Variants in DORIP1 observed in about 807,000 individuals in gnomAD.
DORIP1 encodes the protein dopamine receptor-interacting protein 1.
At chr14:44,897,809 C>T in the DORIP1 span, among the ~76,000 whole-genome samples, 1 of 152,162 alleles carries the variant, frequency 6.6e-6, no homozygotes, top group Non-Finnish European at 1.5e-5. Flanking sequence ...CGTGGGGGCT[C>T]CCCGGGGGCG....
chr14:44,905,332 A>T, the DORIP1 span: 1 of 1,333,846 alleles, frequency 7.5e-7, no homozygotes. Context: ...ACAAAGTATT[A>T]AATTTTCTCT....
the DORIP1 span, chr14:44,903,736 T>C: frequency 6.2e-6 from 6 of 963,492 alleles, no homozygotes; most frequent in South Asian, 2.4e-4. Context: ...TTTAGAAGGA[T>C]GATCTTATTG....
chr14:44,900,899 G>A, the DORIP1 span: 13 of 1,611,704 alleles, frequency 8.1e-6, no homozygotes, highest in Middle Eastern at 3.3e-4. Context: ...GAGAGTTACT[G>A]TTCCAACTGG....
chr14:44,898,531 C>A, the DORIP1 span, among the ~76,000 whole-genome samples: 5 of 152,170 alleles, frequency 3.3e-5, no homozygotes, highest in African/African-American at 9.6e-5. Flanking sequence ...CTACAAAGTT[C>A]TTTAAAATTC....
At chr14:44,903,441 A>C in the DORIP1 span, 1 of 1,404,882 alleles carries the variant, frequency 7.1e-7, no homozygotes, top group Non-Finnish European at 9.3e-7. Flanking sequence ...GGAGTATATC[A>C]CTACATAGAA....
chr14:44,902,480 C>T, the DORIP1 span, among the ~76,000 whole-genome samples: 1 of 152,100 alleles, frequency 6.6e-6, no homozygotes, highest in Non-Finnish European at 1.5e-5. Flanking sequence ...GGGCATGTAC[C>T]ACCATGCCCG....
the DORIP1 span, chr14:44,906,848 A>G: frequency 2.6e-5 from 4 of 152,514 alleles, no homozygotes; most frequent in African/African-American, 4.8e-5. Flanking sequence ...TATGGGTGAA[A>G]CATTACTGAG....
chr14:44,900,717 C>T, the DORIP1 span: 1 of 1,614,042 alleles, frequency 6.2e-7, no homozygotes, highest in Non-Finnish European at 8.5e-7. Context: ...GTTTTCTTTA[C>T]TTAATGGACA....
At chr14:44,905,347 C>T in the DORIP1 span, 36 of 1,425,192 alleles carry the variant, frequency 2.5e-5, no homozygotes, top group Non-Finnish European at 3.3e-5. Flanking sequence ...TTCTCTCATA[C>T]TATATTATTT....
chr14:44,897,331 C>G, the DORIP1 span: 1 of 154,390 alleles, frequency 6.5e-6, no homozygotes, highest in African/African-American at 2.4e-5. Flanking sequence ...ACTGTCCTGG[C>G]TCCGTGGGTC....
the DORIP1 span, chr14:44,905,442 TTGGATGCACTATGA>T: frequency 6.3e-7 from 1 of 1,575,568 alleles, no homozygotes; most frequent in Non-Finnish European, 8.7e-7. Flanking sequence ...TTGGTGGACA[TTGGATGCACTATGA>T]TGGGCTCAGA....
the DORIP1 span, among the ~76,000 whole-genome samples, chr14:44,901,306 G>A: frequency 6.6e-6 from 1 of 152,102 alleles, no homozygotes; most frequent in Non-Finnish European, 1.5e-5. Flanking sequence ...ATCATCTAAG[G>A]ATACATTTCT....
chr14:44,900,380 T>C, the DORIP1 span: 1 of 1,361,734 alleles, frequency 7.3e-7, no homozygotes, highest in Non-Finnish European at 9.7e-7. Context: ...ATATTATGCA[T>C]TTAATATACA....
At chr14:44,903,136 A>C in the DORIP1 span, 1 of 1,128,610 alleles carries the variant, frequency 8.9e-7, no homozygotes, top group Non-Finnish European at 1.3e-6. Flanking sequence ...ACTGAGCTGT[A>C]AAATTTGTTA....
At chr14:44,901,334 G>A in the DORIP1 span, among the ~76,000 whole-genome samples, 1 of 152,112 alleles carries the variant, frequency 6.6e-6, no homozygotes, top group Admixed American at 6.5e-5. Flanking sequence ...TGTCCCCATT[G>A]GATGACAAAT....
At chr14:44,898,324 T>G in the DORIP1 span, among the ~76,000 whole-genome samples, 1 of 152,156 alleles carries the variant, frequency 6.6e-6, no homozygotes, top group Non-Finnish European at 1.5e-5. Context: ...CTCCTCCCGT[T>G]TTTTCCAGAG....
the DORIP1 span, chr14:44,897,474 G>A: frequency 2.0e-4 from 38 of 193,070 alleles, no homozygotes; most frequent in South Asian, 8.0e-4. Context: ...ATGAGGCAGC[G>A]GCGGCGGCGG....
At chr14:44,898,809 A>ACTT in the DORIP1 span, 1 of 152,314 alleles carries the variant, frequency 6.6e-6, no homozygotes, top group Non-Finnish European at 1.5e-5. Flanking sequence ...CTTGCTTCAA[A>ACTT]CTGAAAACAC....
At chr14:44,899,630 T>C in the DORIP1 span, among the ~76,000 whole-genome samples, 1 of 151,922 alleles carries the variant, frequency 6.6e-6, no homozygotes, top group Non-Finnish European at 1.5e-5. Flanking sequence ...ATAGTTAATA[T>C]AAAGATTATG....
Sources: allele counts gnomAD v4.1 joint callset (sites outside exome capture counted in the v4.1 genomes callset), GRCh38; gene constraint gnomAD v4.1.1; transcripts MANE v1.5; gene names NCBI Gene and HGNC (gene_info 2026-07-23, HGNC 2026-07-21).